Variants in DNAH6 observed in about 807,000 individuals in gnomAD.
DNAH6 encodes the protein axonemal beta dynein heavy chain 6.
Under a neutral mutation model 491.4 loss-of-function variants are expected in DNAH6, and 340 were observed. The observed-to-expected ratio is 0.69, with a 90% CI of 0.63 to 0.76. DNAH6 has a LOEUF of 0.76. DNAH6 is among the 30% of genes least tolerant of loss of function. DNAH6 has a pLI of 0.00. For synonymous variants in DNAH6, 1,603 were observed against 1,686.1 expected, an observed-to-expected ratio of 0.95 and a Z score of 1.21; for missense variants, 4,443 against 4,972.2, an observed-to-expected ratio of 0.89 and a Z score of 3.20.
At chr2:84,518,599 C>T (rs769344566) in intron 2 of DNAH6, among the ~76,000 whole-genome samples, 6 of 152,178 alleles carry the variant, frequency 3.9e-5, no homozygotes, top group Non-Finnish European at 8.8e-5. Flanking sequence ...TTCTCTCTGA[C>T]GTATTTGCCT....
the DNAH6 span, among the ~76,000 whole-genome samples, chr2:84,461,012 C>A: frequency 6.6e-6 from 1 of 152,114 alleles, no homozygotes; most frequent in South Asian, 2.1e-4. Flanking sequence ...CCCCAGGCCT[C>A]CACAAACAAG....
chr2:84,633,616 A>C (rs1391193946), intron 29 of DNAH6, among the ~76,000 whole-genome samples: 2 of 149,502 alleles, frequency 1.3e-5, no homozygotes, highest in Non-Finnish European at 3.0e-5. Flanking sequence ...GATGGGCATT[A>C]CTCCTCTCCC....
intron 69 of DNAH6, among the ~76,000 whole-genome samples, chr2:84,797,095 A>G (rs1050491860): frequency 6.6e-6 from 1 of 152,262 alleles, no homozygotes; most frequent in African/African-American, 2.4e-5. Context: ...CACTATAGAT[A>G]GTTGAATAAC....
chr2:84,670,381 C>T lies in DNAH6; in HGVS notation c.6360C>T (p.Val2120=), dbSNP rs1377281884. 1.3e-6 allele frequency: 2 copies of T among 1,544,048 alleles called. No individual in the cohort carries two copies. Among genetic ancestry groups the T allele is most frequent in the South Asian group, 1.2e-5 (1 of 82,968 alleles). ...LNKIQESAGY[V]PVYLNFSAQT... ...AAATTCAAGAATCAGCTGGCTATGT[C>T]CCTGTTTATCTAAATTTTTCTGCTC... Residue 2120 remains valine, a synonymous_variant, in exon 39 of 77, where the codon GTC becomes GTT. Coordinates refer to ENST00000389394, the MANE Select transcript of DNAH6 (RefSeq NM_001370.2).
Position 84,711,995 on chromosome 2 carries a change from G to A in DNAH6, c.9379-1100G>A, listed in dbSNP as rs145886010. Reference sequence around the variant, plus strand: ...CTCTGGACAGAAGAGTGTTTTAACTGTAGTAGAGTGCTCTTGGGAGAGGGG... The same window carrying A: ...CTCTGGACAGAAGAGTGTTTTAACTATAGTAGAGTGCTCTTGGGAGAGGGG... On this transcript the variant is annotated intron_variant, in intron 56 of 76. Transcript: ENST00000389394. Among the ~76,000 whole-genome samples, 87 of 152,340 alleles carry A rather than the reference G, an allele frequency of 5.7e-4. No homozygotes were observed. The East Asian group carries it at 0.016, about 28-fold the overall frequency.
At chr2:84,529,587 G>A (rs1676958082) in intron 4 of DNAH6, among the ~76,000 whole-genome samples, 1 of 152,020 alleles carries the variant, frequency 6.6e-6, no homozygotes, top group African/African-American at 2.4e-5. Context: ...ATAACTTAGG[G>A]TATTCATATA....
chr2:84,584,805 T>C (rs181786255), intron 15 of DNAH6: 11 of 152,544 alleles, frequency 7.2e-5, no homozygotes, highest in African/African-American at 2.4e-4. Flanking sequence ...GACACAAGTT[T>C]ACCTGTATAA....
In DNAH6 at chr2:84,594,055, A is replaced by G; in HGVS notation, c.2694A>G (p.Glu898=). The G allele has an allele frequency of 6.5e-7, 1 of 1,550,160 alleles. No individual in the cohort carries two copies. Among genetic ancestry groups the G allele is most frequent in the Non-Finnish European group, 8.7e-7 (1 of 1,145,820 alleles). ...LKQLLWDSFS[E]WDKLQQEWLK... ...AATTGCTCTGGGATTCTTTCTCTGA[A>G]TGGGATAAACTCCAACAAGAATGGT... The change falls in exon 17 of 77, where the codon GAA becomes GAG. Residue 898 remains glutamate (E), a synonymous_variant. Transcript: ENST00000389394.
intron 18 of DNAH6, among the ~76,000 whole-genome samples, chr2:84,597,602 T>A (rs1413818853): frequency 1.3e-5 from 2 of 152,202 alleles, no homozygotes; most frequent in Non-Finnish European, 2.9e-5. Flanking sequence ...GTGACTCTGC[T>A]CCCAGATATA....
chr2:84,614,443 A>G (rs925995628), intron 22 of DNAH6, among the ~76,000 whole-genome samples: 2 of 152,144 alleles, frequency 1.3e-5, no homozygotes, highest in African/African-American at 4.8e-5. Flanking sequence ...ATTGATGTGC[A>G]TTGGGGCTGG....
intron 64 of DNAH6, among the ~76,000 whole-genome samples, chr2:84,774,180 G>T (rs1051843873): frequency 2.0e-5 from 3 of 151,966 alleles, no homozygotes; most frequent in Non-Finnish European, 4.4e-5. Context: ...TATCTTCTAA[G>T]ATTTTTATAG....
At chr2:84,472,344 T>C in the DNAH6 span, among the ~76,000 whole-genome samples, 5 of 152,088 alleles carry the variant, frequency 3.3e-5, no homozygotes, top group East Asian at 9.7e-4. Flanking sequence ...TACTACACTA[T>C]CCTGGCCATT....
At position 84,749,601 on chromosome 2, in the gene DNAH6, G is replaced by A. The variant is rs1017339101; in HGVS notation, c.10512+4352G>A. Among the ~76,000 whole-genome samples the A allele has an allele frequency of 6.6e-5, 10 of 152,324 alleles. No individual in the cohort carries two copies. The East Asian group carries it at 1.9e-3, about 29-fold the overall frequency. On this transcript the variant is annotated intron_variant, in intron 63 of 76. Transcript: ENST00000389394. ...TCCACATGAACCCTGAACCTGGGTTGTGTCACCTCAGATGGTGCCTGGGAT... is the reference window on the plus strand; with the variant it reads ...TCCACATGAACCCTGAACCTGGGTTATGTCACCTCAGATGGTGCCTGGGAT...
intron 35 of DNAH6, among the ~76,000 whole-genome samples, chr2:84,656,705 C>A (rs1691004491): frequency 6.6e-6 from 1 of 151,920 alleles, no homozygotes; most frequent in Admixed American, 6.6e-5. Context: ...CAGATTATAT[C>A]TTTTGCAAAT....
intron 59 of DNAH6, 140 bp from the exon 60 acceptor site, chr2:84,722,485 T>C (rs969432182): frequency 1.4e-5 from 9 of 647,070 alleles, no homozygotes; most frequent in Admixed American, 3.7e-5. Context: ...GACTCAGTCG[T>C]TCCACCTGGG....
At chr2:84,759,936 GA>G (rs938215233) in intron 63 of DNAH6, among the ~76,000 whole-genome samples, 1 of 152,070 alleles carries the variant, frequency 6.6e-6, no homozygotes, top group African/African-American at 2.4e-5. Flanking sequence ...CTATAGTAAT[GA>G]AAACAGCATG....
the DNAH6 span, among the ~76,000 whole-genome samples, chr2:84,467,554 T>G: frequency 6.6e-6 from 1 of 152,042 alleles, no homozygotes; most frequent in Non-Finnish European, 1.5e-5. Context: ...GCAAGCAAGT[T>G]GTAGAGTGAG....
At chr2:84,524,658 A>T (rs7580136) in intron 2 of DNAH6, among the ~76,000 whole-genome samples, 141,950 of 152,112 alleles carry the variant, frequency 0.93, 66,351 homozygotes, top group East Asian at 1. Flanking sequence ...CAACATCTGC[A>T]TATTTGTTTT....
intron 11 of DNAH6, among the ~76,000 whole-genome samples, chr2:84,560,095 A>G (rs1381473222): frequency 6.6e-6 from 1 of 152,156 alleles, no homozygotes; most frequent in Non-Finnish European, 1.5e-5. Context: ...TGTAAGAGAA[A>G]ATCAAAAGAA....
Sources: gnomAD v4.1 joint callset for allele counts (sites outside exome capture counted in the v4.1 genomes callset) on GRCh38, gnomAD v4.1.1 for gene constraint, MANE v1.5 for transcripts, NCBI Gene and HGNC (gene_info 2026-07-23, HGNC 2026-07-21) for gene names.